Variants in FOXP2 observed in about 807,000 individuals in gnomAD.
The protein encoded by FOXP2 is forkhead box P2, also known as forkhead box protein P2.
FOXP2 carries 12 observed loss-of-function variants against 115.8 expected under a neutral mutation model. The observed-to-expected ratio is 0.10, with a 90% CI of 0.07 to 0.17. FOXP2 has a LOEUF of 0.17. Ranked by LOEUF, FOXP2 falls within the 10% of genes least tolerant of loss-of-function variation. The pLI is 1.00. For missense variants in FOXP2, 629 were observed against 843.5 expected (o/e 0.75, Z 3.15); for synonymous variants, 328 against 297.7 (o/e 1.10, Z -1.05).
chr7:114,209,231 A>G (rs541692819), intron 1 of FOXP2, among the ~76,000 whole-genome samples: 3 of 152,134 alleles, frequency 2.0e-5, no homozygotes, highest in Non-Finnish European at 4.4e-5. Context: ...CCATGTGAAG[A>G]AGGACATGTT....
upstream of FOXP2, chr7:114,087,706 C>A (rs1412453414): frequency 1.3e-5 from 2 of 150,688 alleles, no homozygotes; most frequent in African/African-American, 4.9e-5. Flanking sequence ...CGCGCCTCTG[C>A]CCACCCGCGA....
At chr7:114,213,790 T>C (rs1399399228) in intron 1 of FOXP2, among the ~76,000 whole-genome samples, 2 of 152,168 alleles carry the variant, frequency 1.3e-5, no homozygotes, top group Non-Finnish European at 2.9e-5. Flanking sequence ...TTAATCATTG[T>C]TATAACAATT....
chr7:114,254,869 C>G (rs1795563960), intron 1 of FOXP2, among the ~76,000 whole-genome samples: 1 of 152,190 alleles, frequency 6.6e-6, no homozygotes, highest in Non-Finnish European at 1.5e-5. Context: ...GAGACGCGCT[C>G]TCATTTTTAG....
Position 114,693,381 on chromosome 7 carries a change from C to T in FOXP2, c.*3455C>T. 2.2e-6 allele frequency: 1 copy of T among 453,810 alleles called. No individual in the cohort carries two copies. Among genetic ancestry groups the T allele is most frequent in the Non-Finnish European group, 4.4e-6 (1 of 226,606 alleles). 28.1% of individuals were successfully genotyped at this position (453,810 alleles called of 1,614,324 possible). The stretch of plus-strand genomic sequence containing the variant: ...CATCCTGGACTTTAATGTCCCTGGG[C>T]AGATTCAGTCGCAAAATCCAATATG... On this transcript the variant is annotated 3_prime_UTR_variant, in exon 17 of 17. Transcript: ENST00000350908.
chr7:114,170,545 G>A (rs1407839842), intron 1 of FOXP2, among the ~76,000 whole-genome samples: 1 of 152,194 alleles, frequency 6.6e-6, no homozygotes, highest in African/African-American at 2.4e-5. Flanking sequence ...GAATGCAAAG[G>A]AAAAGTTCTT....
At chr7:114,167,002 G>C (rs972914065) in intron 1 of FOXP2, among the ~76,000 whole-genome samples, 3 of 152,186 alleles carry the variant, frequency 2.0e-5, no homozygotes, top group African/African-American at 7.2e-5. Flanking sequence ...CACTTTGAAA[G>C]ACAGTTTGGT....
intron 2 of FOXP2, among the ~76,000 whole-genome samples, chr7:114,505,840 G>GT (rs1364865397): frequency 6.6e-6 from 1 of 151,656 alleles, no homozygotes; most frequent in Non-Finnish European, 1.5e-5. Flanking sequence ...GGCGGGGGTA[G>GT]TTGGGAACAT....
chr7:114,197,567 G>C (rs998477405), intron 1 of FOXP2, among the ~76,000 whole-genome samples: 1 of 152,108 alleles, frequency 6.6e-6, no homozygotes, highest in Admixed American at 6.5e-5. Flanking sequence ...GGGAGTTAAG[G>C]TTTCAACTTG....
intron 1 of FOXP2, among the ~76,000 whole-genome samples, chr7:114,189,278 T>C (rs1793694277): frequency 6.6e-6 from 1 of 152,244 alleles, no homozygotes; most frequent in Non-Finnish European, 1.5e-5. Context: ...ATGATGTGTA[T>C]AGAAAGTTAT....
intron 15 of FOXP2, 131 bp from the exon 16 acceptor site, chr7:114,664,142 C>T: frequency 9.5e-7 from 1 of 1,050,900 alleles, no homozygotes; most frequent in Non-Finnish European, 1.4e-6. Context: ...AATTTTTTTT[C>T]AATACATTTT....
At chr7:114,288,414 G>A (rs1796515379) in intron 2 of FOXP2, among the ~76,000 whole-genome samples, 2 of 151,742 alleles carry the variant, frequency 1.3e-5, no homozygotes, top group African/African-American at 2.4e-5. Context: ...TATTAGGCAA[G>A]GAAAGCACTT....
intron 3 of FOXP2, among the ~76,000 whole-genome samples, chr7:114,605,926 G>C (rs1299767622): frequency 6.6e-6 from 1 of 152,162 alleles, no homozygotes; most frequent in African/African-American, 2.4e-5. Flanking sequence ...TGGCAACAAC[G>C]AGTAGTATTG....
intron 1 of FOXP2, among the ~76,000 whole-genome samples, chr7:114,169,785 C>A (rs1229453962): frequency 6.6e-6 from 1 of 151,922 alleles, no homozygotes; most frequent in Non-Finnish European, 1.5e-5. Context: ...TGGGAGGGAC[C>A]CGGTGGGAGA....
intron 3 of FOXP2, among the ~76,000 whole-genome samples, chr7:114,558,716 T>C (rs184910552): frequency 6.6e-6 from 1 of 152,310 alleles, no homozygotes; most frequent in Admixed American, 6.5e-5. Context: ...TCCTTTATTA[T>C]CTCATCTGCC....
At chr7:114,156,488 T>C (rs943381493) in intron 1 of FOXP2, among the ~76,000 whole-genome samples, 1 of 152,174 alleles carries the variant, frequency 6.6e-6, no homozygotes, top group Non-Finnish European at 1.5e-5. Flanking sequence ...TTTCAACCAA[T>C]TGCCAATGAG....
chr7:114,454,762 C>A, intron 2 of FOXP2, among the ~76,000 whole-genome samples: 1 of 130,922 alleles, frequency 7.6e-6, no homozygotes, highest in Admixed American at 7.8e-5. Context: ...AGTAAACTAT[C>A]ACAAGAACAA....
At chr7:114,453,847 C>T (rs1795171868) in intron 2 of FOXP2, among the ~76,000 whole-genome samples, 1 of 152,016 alleles carries the variant, frequency 6.6e-6, no homozygotes, top group Non-Finnish European at 1.5e-5. Flanking sequence ...CCCTTCCTTA[C>T]ACCTTATACA....
At chr7:114,141,359 A>G (rs1452215141) in intron 1 of FOXP2, among the ~76,000 whole-genome samples, 1 of 152,232 alleles carries the variant, frequency 6.6e-6, no homozygotes, top group African/African-American at 2.4e-5. Flanking sequence ...AGAGAAACAG[A>G]GTATTACAAG....
chr7:114,311,114 C>G (rs1880331), intron 2 of FOXP2, among the ~76,000 whole-genome samples: 86,989 of 151,834 alleles, frequency 0.57, 27,286 homozygotes, highest in Admixed American at 0.75. Context: ...CTTTCCCTGG[C>G]GCTGGCTGTG....
Sources: allele counts gnomAD v4.1 joint callset (sites outside exome capture counted in the v4.1 genomes callset), GRCh38; gene constraint gnomAD v4.1.1; transcripts MANE v1.5; gene names NCBI Gene and HGNC (gene_info 2026-07-23, HGNC 2026-07-21).